The following CACNA2D4 variants were observed in gnomAD, a reference collection of about 807,000 sequenced individuals.
CACNA2D4 encodes the protein voltage-dependent calcium channel subunit alpha-2/delta-4.
A neutral mutation model predicts 163.8 loss-of-function variants in CACNA2D4; 157 were observed. The observed-to-expected ratio is 0.96, with a 90% CI of 0.84 to 1.09. The LOEUF is 1.09. Ranked by LOEUF, CACNA2D4 falls within the 50% of genes least tolerant of loss-of-function variation. CACNA2D4 has a pLI of 0.00. For synonymous variants in CACNA2D4, 598 were observed against 586.9 expected, an observed-to-expected ratio of 1.02 and a Z score of -0.27; for missense variants, 1,410 against 1,479.9, an observed-to-expected ratio of 0.95 and a Z score of 0.78.
chr12:1,880,864 G>C (rs77913591), intron 13 of CACNA2D4, among the ~76,000 whole-genome samples: 1,537 of 152,302 alleles, frequency 0.01, 20 homozygotes, highest in African/African-American at 0.035. Context: ...AGTTAGGAAT[G>C]CATGAAGCCA....
intron 26 of CACNA2D4, among the ~76,000 whole-genome samples, chr12:1,823,865 G>A (rs983514774): frequency 2.0e-5 from 3 of 152,172 alleles, no homozygotes; most frequent in South Asian, 2.1e-4. Context: ...GAGGAAAGGC[G>A]GCATCTTCCT....
At chr12:1,840,266 C>T (rs1592702803) in intron 26 of CACNA2D4, among the ~76,000 whole-genome samples, 3 of 152,080 alleles carry the variant, frequency 2.0e-5, no homozygotes, top group Middle Eastern at 6.8e-3. Context: ...GATAAAAGAC[C>T]TAGAATAAAA....
rs1486333137 is a variant in CACNA2D4, at chr12:1,799,590, C to A, written c.2995+85G>T. The A allele has an allele frequency of 2.1e-6, 3 of 1,401,478 alleles. No homozygotes were observed. Among genetic ancestry groups the A allele is most frequent in the African/African-American group, 1.4e-5 (1 of 70,000 alleles). 86.8% of individuals were successfully genotyped at this position (1,401,478 alleles called of 1,614,324 possible). On this transcript the variant is annotated intron_variant, in intron 34 of 37. Transcript: ENST00000382722. This position sits in a 1 kb window ranked among gnomAD's most constrained non-coding sequence, Gnocchi z 4.7. ...GCCCTGCTTGGGGTCATTCCTGGGA[C>A]AGGTCATGGAGGGTGGGTTCTTTGT...
intron 24 of CACNA2D4, among the ~76,000 whole-genome samples, 161 bp downstream of exon 24, chr12:1,846,433 C>T (rs904636274): frequency 3.6e-4 from 55 of 152,074 alleles, no homozygotes; most frequent in African/African-American, 1.3e-3. Flanking sequence ...TCCCACTGCC[C>T]CAATCTGTCA....
intron 35 of CACNA2D4, 133 bp from the exon 36 acceptor site, chr12:1,795,913 C>T (rs1565667157): frequency 8.8e-6 from 6 of 683,580 alleles, no homozygotes; most frequent in African/African-American, 7.1e-5. Flanking sequence ...CAGGGCGGGT[C>T]GGGGCAGCTA....
Position 1,865,098 on chromosome 12 carries a change from G to T in CACNA2D4, c.1879-4892C>A, listed in dbSNP as rs150977500. Among the ~76,000 whole-genome samples, 105 of 152,328 alleles carry T rather than the reference G, an allele frequency of 6.9e-4. 1 individual carries two copies. The highest frequency in any genetic ancestry group is 2.4e-3 in the African/African-American group (101 of 41,590). ...CAGTCCCGCGCTGGCCGGCAGGCAG[G>T]CCCCGTGGGTGCCGCTCACGCTGTA... On this transcript the variant is annotated intron_variant, in intron 18 of 37. Transcript: ENST00000382722.
intron 26 of CACNA2D4, among the ~76,000 whole-genome samples, chr12:1,818,396 A>G (rs1863958408): frequency 1.3e-5 from 2 of 152,028 alleles, no homozygotes; most frequent in Admixed American, 1.3e-4. Context: ...AGAAGTAGAC[A>G]TGGGAGACTT....
intron 18 of CACNA2D4, among the ~76,000 whole-genome samples, chr12:1,871,039 G>C (rs534267483): frequency 1.3e-5 from 2 of 152,318 alleles, no homozygotes; most frequent in Admixed American, 1.3e-4. Flanking sequence ...GCTGGTGTGT[G>C]TGTGTATACG....
chr12:1,826,055 G>A (rs1864304270), intron 26 of CACNA2D4, among the ~76,000 whole-genome samples: 3 of 152,152 alleles, frequency 2.0e-5, no homozygotes, highest in East Asian at 1.9e-4. Context: ...CCACAGGCCC[G>A]GGGTGCTCAG....
chr12:1,913,128 A>G lies in CACNA2D4; in HGVS notation c.321T>C (p.Asp107=). ...CCTCGATCTTCAGACTGGACTCCAC[A>G]TCCTTGTACTTCTGTTTGGGGAAAG... ...GSLLLQKKYK[D]VESSLKIEEV... The change falls in exon 3 of 38, where the codon GAT becomes GAC. Residue 107 remains aspartate, a synonymous_variant. Coordinates refer to ENST00000382722, the MANE Select transcript of CACNA2D4 (RefSeq NM_172364.5). 1 of 1,611,626 alleles carries G rather than the reference A, an allele frequency of 6.2e-7. No homozygotes were observed. The highest frequency in any genetic ancestry group is 1.1e-5 in the South Asian group (1 of 91,046).
chr12:1,908,061 C>G (rs780375748), intron 4 of CACNA2D4, 24 bp from the exon 5 acceptor site: 9 of 1,593,318 alleles, frequency 5.6e-6, no homozygotes, highest in Admixed American at 5.1e-5. Context: ...GTGAGGCCCA[C>G]GGAGGCGGCC....
intron 26 of CACNA2D4, among the ~76,000 whole-genome samples, chr12:1,837,607 T>C (rs1028449105): frequency 3.3e-5 from 5 of 152,142 alleles, no homozygotes; most frequent in African/African-American, 7.2e-5. Context: ...GATCTTCCTT[T>C]GGATAACAAC....
intron 29 of CACNA2D4, among the ~76,000 whole-genome samples, chr12:1,804,713 A>T (rs1713388868): frequency 6.6e-6 from 1 of 152,242 alleles, no homozygotes; most frequent in African/African-American, 2.4e-5. Context: ...GACTTCCGGG[A>T]AGCGGGCCCA....
chr12:1,857,023 C>T (rs78425240), intron 20 of CACNA2D4, among the ~76,000 whole-genome samples: 4,853 of 152,260 alleles, frequency 0.032, 244 homozygotes, highest in African/African-American at 0.11. Flanking sequence ...TGTCTCACTC[C>T]CAGGAGTGGG....
intron 18 of CACNA2D4, among the ~76,000 whole-genome samples, chr12:1,862,417 T>C (rs541296592): frequency 6.6e-6 from 1 of 152,338 alleles, no homozygotes; most frequent in African/African-American, 2.4e-5. Flanking sequence ...ATAGAGAATC[T>C]TGCAGTTTTT....
rs1452994241 is a variant in CACNA2D4, at chr12:1,879,792, G to A, written c.1563+12C>T. The A allele has an allele frequency of 6.3e-7, 1 of 1,586,812 alleles. No homozygotes were observed. The highest frequency in any genetic ancestry group is 1.2e-5 in the South Asian group (1 of 86,882). The stretch of plus-strand genomic sequence containing the variant: ...AATCCCTGCTACAACGTCTCCAGGA[G>A]CGGCCACTCACCGTTTCGTTCTTCT... On this transcript the variant is annotated intron_variant, in intron 14 of 37. Coordinates refer to ENST00000382722, the MANE Select transcript of CACNA2D4 (RefSeq NM_172364.5).
intron 26 of CACNA2D4, 59 bp downstream of exon 26, chr12:1,840,680 C>G (rs1864998734): frequency 7.0e-7 from 1 of 1,421,598 alleles, no homozygotes; most frequent in African/African-American, 1.4e-5. Context: ...GTGATCTATG[C>G]CTTGCTCTTT....
intron 29 of CACNA2D4, 68 bp from the exon 30 acceptor site, chr12:1,801,712 C>T: frequency 1.8e-6 from 2 of 1,110,626 alleles, no homozygotes; most frequent in South Asian, 1.5e-5. Flanking sequence ...CTTCCGAGTC[C>T]AGCACTATTT....
chr12:1,838,764 T>C (rs9971758), intron 26 of CACNA2D4, among the ~76,000 whole-genome samples: 133,083 of 152,208 alleles, frequency 0.87, 58,392 homozygotes, highest in East Asian at 1. Flanking sequence ...TCCTAGACCT[T>C]CAGGTGTACA....
Sources: allele counts gnomAD v4.1 joint callset (sites outside exome capture counted in the v4.1 genomes callset), GRCh38; gene constraint gnomAD v4.1.1; non-coding constraint Gnocchi (gnomAD v3.1); transcripts MANE v1.5; gene names NCBI Gene and HGNC (gene_info 2026-07-23, HGNC 2026-07-21).